Variants in PHLDB2 observed in about 807,000 individuals in gnomAD.
PHLDB2 encodes the protein pleckstrin homology-like domain family B member 2.
In PHLDB2, 71 loss-of-function variants were observed where a neutral mutation model predicts 123.6. The ratio of observed to expected loss-of-function variants is 0.57; its 90% CI spans 0.47 to 0.70. The LOEUF (loss-of-function observed/expected upper bound fraction) is 0.70, where lower values mean the gene tolerates loss of function less well. Ranked by LOEUF, PHLDB2 falls within the 30% of genes least tolerant of loss-of-function variation. PHLDB2 has a pLI of 0.00. For synonymous variants in PHLDB2, 547 were observed against 541.6 expected (o/e 1.01, Z -0.14); for missense variants, 1,446 against 1,519.5 (o/e 0.95, Z 0.80).
intron 6 of PHLDB2, among the ~76,000 whole-genome samples, chr3:111,937,507 A>T (rs1431297982): frequency 6.6e-6 from 1 of 152,130 alleles, no homozygotes; most frequent in Non-Finnish European, 1.5e-5. Context: ...GTGGTGGCTT[A>T]CACCTATAAT....
intron 1 of PHLDB2, among the ~76,000 whole-genome samples, chr3:111,814,773 A>G (rs2061997170): frequency 6.6e-6 from 1 of 152,074 alleles, no homozygotes; most frequent in Admixed American, 6.6e-5. Flanking sequence ...GCACAAAGAG[A>G]GGGAAACCCG....
chr3:111,845,779 A>C, intron 1 of PHLDB2: 1 of 1,605,828 alleles, frequency 6.2e-7, no homozygotes, highest in Non-Finnish European at 8.5e-7. Context: ...AGGTCAATTC[A>C]GCTTTCCAAT....
At chr3:111,779,041 G>A (rs1233323160) in intron 1 of PHLDB2, among the ~76,000 whole-genome samples, 1 of 151,950 alleles carries the variant, frequency 6.6e-6, no homozygotes, top group Non-Finnish European at 1.5e-5. Context: ...TCACCTGGAG[G>A]GTATGTAAAA....
At chr3:111,880,113 A>G (rs1375923393) in intron 1 of PHLDB2, among the ~76,000 whole-genome samples, 1 of 147,596 alleles carries the variant, frequency 6.8e-6, no homozygotes, top group East Asian at 2.0e-4. Flanking sequence ...GATATGTATT[A>G]TTTTAGGCTC....
Position 111,948,963 on chromosome 3 carries a change from C to G in PHLDB2, c.2519C>G (p.Pro840Arg). The G allele has an allele frequency of 6.2e-7, 1 of 1,613,952 alleles. No individual in the cohort carries two copies. Among genetic ancestry groups the G allele is most frequent in the Non-Finnish European group, 8.5e-7 (1 of 1,179,916 alleles). ...ATCAGTGTAAATGAGATTAATGAGC[C>G]GTGTGGCAATTCCACGAATCTATCC... ...GYISVNEINEPCGNSTNLSPS... is the reference protein window; with the variant it reads ...GYISVNEINERCGNSTNLSPS... The change falls in exon 10 of 18, where the codon CCG becomes CGG. Residue 840 changes from proline (P) to arginine (R), a missense_variant. By Grantham distance (103) the Pro-to-Arg change is moderately radical. Around this residue, in one of 3 missense-constraint regions of PHLDB2, gnomAD observed 594 missense variants for 646.0 expected, o/e 0.92. Transcript: ENST00000431670.
At chr3:111,858,920 C>G (rs1417620292), upstream of PHLDB2, among the ~76,000 whole-genome samples, 1 of 152,176 alleles carries the variant, frequency 6.6e-6, no homozygotes, top group Non-Finnish European at 1.5e-5. Context: ...AAAGCATTGG[C>G]TGGTGGACCT....
At chr3:111,803,686 A>T (rs1407701827) in intron 1 of PHLDB2, among the ~76,000 whole-genome samples, 1 of 152,164 alleles carries the variant, frequency 6.6e-6, no homozygotes, top group Non-Finnish European at 1.5e-5. Flanking sequence ...ACACTCAGAA[A>T]CTGTGTATTC....
At chr3:111,861,486 G>A (rs1351924121) in intron 1 of PHLDB2, among the ~76,000 whole-genome samples, 1 of 152,172 alleles carries the variant, frequency 6.6e-6, no homozygotes, top group Non-Finnish European at 1.5e-5. Flanking sequence ...AGACCCAGAG[G>A]TTTGCAGATC....
At chr3:111,916,668 T>G (rs1229044265) in intron 3 of PHLDB2, 1 of 152,228 alleles carries the variant, frequency 6.6e-6, no homozygotes, top group Non-Finnish European at 1.5e-5. Context: ...AGTTGGCCTT[T>G]GTGAACCACC....
rs758950638 is a variant in PHLDB2 at position 111,913,628 on chromosome 3, C to T, written c.1645C>T (p.Arg549Trp). ...TGATGAACTACTCAGTGACCTCACC[C>T]GGACTCCTCCACCACCATCCTCCAC... Reference protein sequence around the residue: ...RNDELLSDLTRTPPPPSSTFP... With the variant: ...RNDELLSDLTWTPPPPSSTFP... The change falls in exon 3 of 18, where the codon CGG becomes TGG. Residue 549 changes from arginine (R) to tryptophan (W), a missense_variant. This residue lies in a region of PHLDB2 where 832 missense variants were observed against 831.9 expected (regional missense o/e 1.00). Transcript: ENST00000431670. The T allele has an allele frequency of 1.1e-5, 17 of 1,613,940 alleles. No individual in the cohort carries two copies. Among genetic ancestry groups the T allele is most frequent in the East Asian group, 4.5e-5 (2 of 44,890 alleles).
intron 6 of PHLDB2, among the ~76,000 whole-genome samples, chr3:111,939,244 A>G (rs1403197403): frequency 6.6e-6 from 1 of 152,072 alleles, no homozygotes; most frequent in African/African-American, 2.4e-5. Flanking sequence ...AAGAATTCTT[A>G]CCTCCACAGA....
chr3:111,922,775 C>T (rs1474611735), intron 5 of PHLDB2, among the ~76,000 whole-genome samples: 4 of 152,156 alleles, frequency 2.6e-5, no homozygotes, highest in African/African-American at 9.7e-5. Context: ...TTCATACACT[C>T]TGTTCATACT....
intron 1 of PHLDB2, chr3:111,778,464 T>C (rs2060306730): frequency 6.6e-6 from 1 of 152,100 alleles, no homozygotes; most frequent in Non-Finnish European, 1.5e-5. Context: ...AGCCACCCAG[T>C]GTGTAGTATT....
chr3:111,780,409 GAAAA>G (rs918361722), intron 1 of PHLDB2, among the ~76,000 whole-genome samples: 1 of 130,170 alleles, frequency 7.7e-6, no homozygotes, highest in African/African-American at 3.0e-5. Context: ...AGAAGAAGAA[GAAAA>G]AGATTAGTTC....
chr3:111,859,963 A>T, intron 1 of PHLDB2: 15 of 898,582 alleles, frequency 1.7e-5, no homozygotes, highest in Non-Finnish European at 1.7e-5. Flanking sequence ...GGCAGTGCCC[A>T]GGCTGCGCAG....
In PHLDB2 at chr3:111,806,470, C is replaced by CTTTTTTTTTCTTCT. The variant is rs1553730987; in HGVS notation, c.-48-39338_-48-39325dup. 4.6e-5 allele frequency among the ~76,000 whole-genome samples: 7 copies of CTTTTTTTTTCTTCT among 150,590 alleles called. No individual in the cohort carries two copies. In the East Asian group the frequency reaches 7.8e-4, roughly 17 times the overall value. ...TCTTTCTTGCCTTCTTGAATCTTTTCTTTTTTTTTCTTCTTTTTTTTTTCT... is the reference window on the plus strand; with the variant it reads ...TCTTTCTTGCCTTCTTGAATCTTTTCTTTTTTTTTCTTCTTTTTTTTTTCTTCTTTTTTTTTTCT... On this transcript the variant is annotated intron_variant, in intron 1 of 17. Transcript: ENST00000393923.
chr3:111,945,472 A>C (rs1049837187), intron 9 of PHLDB2, 115 bp downstream of exon 9: 2 of 795,464 alleles, frequency 2.5e-6, no homozygotes, highest in Non-Finnish European at 4.2e-6. Context: ...CTGTGAAAGC[A>C]CTCAATGCTT....
intron 6 of PHLDB2, among the ~76,000 whole-genome samples, chr3:111,938,677 T>C (rs2069658229): frequency 1.3e-5 from 2 of 152,132 alleles, no homozygotes; most frequent in South Asian, 4.1e-4. Context: ...GATACATGTA[T>C]CCCTATTAGA....
At chr3:111,824,709 C>T (rs1302932680) in intron 1 of PHLDB2, among the ~76,000 whole-genome samples, 2 of 152,112 alleles carry the variant, frequency 1.3e-5, no homozygotes, top group African/African-American at 4.8e-5. Flanking sequence ...AACCTGAAGC[C>T]CAGTGAATCT....
Sources: gnomAD v4.1 joint callset for allele counts (sites outside exome capture counted in the v4.1 genomes callset) on GRCh38, gnomAD v4.1.1 for gene constraint, gnomAD v4.1.1 regional missense constraint, MANE v1.5 for transcripts, NCBI Gene and HGNC (gene_info 2026-07-23, HGNC 2026-07-21) for gene names.